The following QRFPR variants were observed in gnomAD, a reference collection of about 807,000 sequenced individuals.
QRFPR encodes pyroglutamylated RFamide peptide receptor.
In QRFPR, 37 loss-of-function variants were observed where a neutral mutation model predicts 31.3. That is an observed-to-expected ratio of 1.18 (90% CI 0.91 to 1.56). QRFPR has a LOEUF of 1.56. Ranked by LOEUF, QRFPR falls within the 40% of genes most tolerant of loss-of-function variation. The pLI, the probability that QRFPR is intolerant of heterozygous loss-of-function variation, is 0.00. For synonymous variants in QRFPR, 197 were observed against 192.0 expected, an observed-to-expected ratio of 1.03 and a Z score of -0.22; for missense variants, 542 against 532.5, an observed-to-expected ratio of 1.02 and a Z score of -0.18.
intron 4 of QRFPR, among the ~76,000 whole-genome samples, chr4:121,332,379 C>T (rs1725343329): frequency 6.6e-6 from 1 of 152,150 alleles, no homozygotes; most frequent in Admixed American, 6.5e-5. Context: ...AGATCAATCT[C>T]ATGTCTTTTA....
intron 1 of QRFPR, among the ~76,000 whole-genome samples, chr4:121,341,364 A>C (rs1725540570): frequency 6.6e-6 from 1 of 152,174 alleles, no homozygotes. Flanking sequence ...AGAGGATCAT[A>C]AACTCAGGGA....
Position 121,370,097 on chromosome 4 carries a change from G to A in QRFPR, c.340+10211C>T. ...TCCACACTGTCAATGGCCGATGACA[G>A]GGACTGGCAGGGGAGGGTAGACTGG... On this transcript the variant is annotated intron_variant, in intron 1 of 5. Transcript: ENST00000394427. The A allele has an allele frequency of 3.9e-6, 3 of 770,822 alleles. No individual in the cohort carries two copies. In the South Asian group the frequency reaches 4.0e-5, roughly 10 times the overall value. The allele number at this position is 770,822 out of a possible 1,614,324, so 47.7% of individuals were successfully genotyped here.
chr4:121,375,523 C>T (rs1317756200), intron 1 of QRFPR, among the ~76,000 whole-genome samples: 1 of 152,186 alleles, frequency 6.6e-6, no homozygotes, highest in African/African-American at 2.4e-5. Context: ...ATACTTTAGA[C>T]TTTGGGCAGA....
At chr4:121,335,840 G>A (rs190198684) in intron 3 of QRFPR, among the ~76,000 whole-genome samples, 1 of 152,254 alleles carries the variant, frequency 6.6e-6, no homozygotes, top group African/African-American at 2.4e-5. Flanking sequence ...CTGACTGGAA[G>A]AGTTGCTCAA....
intron 1 of QRFPR, among the ~76,000 whole-genome samples, chr4:121,351,843 T>TAAAA (rs11333384): frequency 6.8e-6 from 1 of 146,068 alleles, no homozygotes; most frequent in African/African-American, 2.5e-5. Context: ...TAAAGTAATG[T>TAAAA]AAAAAAAAAA....
chr4:121,365,482 TAATTA>T (rs1476820771), intron 1 of QRFPR, among the ~76,000 whole-genome samples: 27 of 79,478 alleles, frequency 3.4e-4, no homozygotes, highest in African/African-American at 1.4e-3. Flanking sequence ...ATTAATTAAT[TAATTA>T]AATTATATAT....
chr4:121,331,175 GTTTTTTTTTTTTTTT>G (rs397995185), intron 4 of QRFPR, among the ~76,000 whole-genome samples: 1 of 69,038 alleles, frequency 1.4e-5, no homozygotes, highest in East Asian at 4.8e-4. Flanking sequence ...TATATCTTGG[GTTTTTTTTTTTTTTT>G]TTTTTTTTTT....
At chr4:121,351,820 C>A in intron 1 of QRFPR, among the ~76,000 whole-genome samples, 1 of 148,330 alleles carries the variant, frequency 6.7e-6, no homozygotes, top group African/African-American at 2.5e-5. Context: ...AAAGATACAA[C>A]TCCGAGTTAG....
Position 121,340,585 on chromosome 4 carries a change from T to A in QRFPR, c.366A>T (p.Pro122=). The part of the protein sequence containing the change: ...LGGAFICKMV[P]FVQSTAVVTE... ...TCACAACAGCGGTAGACTGGACAAA[T>A]GGCACCATCTTGCAAATGAAAGCAC... Residue 122 remains proline (P), a synonymous_variant, in exon 2 of 6, where the codon CCA becomes CCT. Coordinates refer to ENST00000394427, the MANE Select transcript of QRFPR (RefSeq NM_198179.3). 1.9e-6 allele frequency: 3 copies of A among 1,613,798 alleles called. No homozygotes were observed. The highest frequency in any genetic ancestry group is 2.5e-6 in the Non-Finnish European group (3 of 1,179,794).
At chr4:121,363,698 A>T (rs1391907785) in intron 1 of QRFPR, among the ~76,000 whole-genome samples, 3 of 150,266 alleles carry the variant, frequency 2.0e-5, no homozygotes, top group Admixed American at 2.0e-4. Context: ...GAAAGTAGAA[A>T]ACCTGAAGAC....
At chr4:121,354,654 GT>G (rs1462991973) in intron 1 of QRFPR, among the ~76,000 whole-genome samples, 4 of 151,924 alleles carry the variant, frequency 2.6e-5, no homozygotes, top group Non-Finnish European at 5.9e-5. Flanking sequence ...AAGGCTTTCA[GT>G]TTCCCCATTC....
chr4:121,336,657 A>T (rs554056320), intron 3 of QRFPR, 150 bp downstream of exon 3: 20 of 713,988 alleles, frequency 2.8e-5, no homozygotes, highest in South Asian at 9.7e-5. Flanking sequence ...ACCTTAAAAA[A>T]TCATTTTATT....
At chr4:121,363,866 T>C (rs971176270) in intron 1 of QRFPR, among the ~76,000 whole-genome samples, 1 of 149,850 alleles carries the variant, frequency 6.7e-6, no homozygotes, top group Non-Finnish European at 1.5e-5. Flanking sequence ...CAGGATGGGA[T>C]AGTTGCATGA....
At position 121,332,917 on chromosome 4, in the gene QRFPR, T is replaced by C. The variant is rs778680995; in HGVS notation, c.701A>G (p.Tyr234Cys). ...LLPLMVMLIL[Y>C]SKIGYELWIK... is the part of the protein sequence containing the mutation. Reference sequence around the variant, plus strand: ...CCAAAGTTCATAACCAATTTTACTGTACAGAATAAGCATCACCATAAGAGG... The same window carrying C: ...CCAAAGTTCATAACCAATTTTACTGCACAGAATAAGCATCACCATAAGAGG... The change falls in exon 4 of 6, where the codon TAC becomes TGC. Residue 234 changes from tyrosine (Y) to cysteine (C), a missense_variant. Tyr to Cys is a radical substitution (Grantham distance 194). Coordinates refer to ENST00000394427, the MANE Select transcript of QRFPR (RefSeq NM_198179.3). The C allele has an allele frequency of 1.6e-5, 26 of 1,613,994 alleles. No homozygotes were observed. The highest frequency in any genetic ancestry group is 2.1e-5 in the Non-Finnish European group (25 of 1,179,974).
At chr4:121,348,768 T>C (rs1375056496) in intron 1 of QRFPR, among the ~76,000 whole-genome samples, 2 of 152,188 alleles carry the variant, frequency 1.3e-5, no homozygotes, top group East Asian at 1.9e-4. Flanking sequence ...TGCTAACCTG[T>C]CTATATTGTC....
chr4:121,337,513 C>T (rs1347499562), intron 2 of QRFPR, among the ~76,000 whole-genome samples: 1 of 152,134 alleles, frequency 6.6e-6, no homozygotes, highest in Admixed American at 6.6e-5. Flanking sequence ...AAATAAGAGT[C>T]CTAGGAAAAT....
At chr4:121,333,520 C>T (rs559837992) in intron 3 of QRFPR, among the ~76,000 whole-genome samples, 1 of 152,156 alleles carries the variant, frequency 6.6e-6, no homozygotes, top group African/African-American at 2.4e-5. Flanking sequence ...CTGAAAGCTG[C>T]GTTTTGTTAC....
intron 1 of QRFPR, among the ~76,000 whole-genome samples, chr4:121,365,611 AT>A (rs1399900158): frequency 6.8e-4 from 6 of 8,818 alleles, no homozygotes; most frequent in Admixed American, 2.0e-3. Context: ...TAATATATAT[AT>A]TATATATATT....
intron 1 of QRFPR, among the ~76,000 whole-genome samples, chr4:121,362,680 A>C (rs1726015783): frequency 6.7e-6 from 1 of 150,168 alleles, no homozygotes; most frequent in South Asian, 2.1e-4. Flanking sequence ...AATATAATAA[A>C]CTAATCTTTG....
Sources: gnomAD v4.1 joint callset for allele counts (sites outside exome capture counted in the v4.1 genomes callset) on GRCh38, gnomAD v4.1.1 for gene constraint, MANE v1.5 for transcripts, NCBI Gene and HGNC (gene_info 2026-07-23, HGNC 2026-07-21) for gene names.